Variants in NPAS2 observed in about 807,000 individuals in gnomAD.
NPAS2 encodes the protein neuronal PAS domain-containing protein 2.
NPAS2 carries 23 observed loss-of-function variants against 107.5 expected under a neutral mutation model. The observed-to-expected ratio is 0.21, with a 90% CI of 0.15 to 0.30. NPAS2 has a LOEUF of 0.30. NPAS2 is among the 10% of genes least tolerant of loss of function. The probability of loss-of-function intolerance (pLI) is 1.00; values close to 1 mark genes in which losing one functional copy is unlikely to be tolerated. For missense variants in NPAS2, 756 were observed against 1,043.3 expected (o/e 0.72, Z 3.79); for synonymous variants, 403 against 417.5 (o/e 0.97, Z 0.42).
chr2:100,842,081 G>GCGCGCACGCACACACACACA, intron 1 of NPAS2, among the ~76,000 whole-genome samples: 1 of 148,798 alleles, frequency 6.7e-6, no homozygotes, highest in Non-Finnish European at 1.5e-5. Flanking sequence ...GCATGTACGC[G>GCGCGCACGCACACACACACA]CACACACACA....
At chr2:100,871,709 A>G (rs1159560110) in intron 1 of NPAS2, among the ~76,000 whole-genome samples, 4 of 151,780 alleles carry the variant, frequency 2.6e-5, no homozygotes, top group Non-Finnish European at 5.9e-5. Context: ...CACACTTGTC[A>G]CCTCTTCAGC....
intron 2 of NPAS2, among the ~76,000 whole-genome samples, chr2:100,907,888 T>C (rs1682273025): frequency 6.6e-6 from 1 of 152,202 alleles, no homozygotes; most frequent in African/African-American, 2.4e-5. Flanking sequence ...CGCAAAAATA[T>C]AGTCCTTGTA....
chr2:100,989,801 T>G (rs1573811060), intron 17 of NPAS2: 1 of 160,758 alleles, frequency 6.2e-6, no homozygotes, highest in Admixed American at 6.1e-5. Context: ...TGGCTGGAGG[T>G]GTAAAGAGGT....
At chr2:100,835,653 C>T (rs1004320637) in intron 1 of NPAS2, among the ~76,000 whole-genome samples, 4 of 152,180 alleles carry the variant, frequency 2.6e-5, no homozygotes, top group Non-Finnish European at 5.9e-5. Context: ...CATTATGTCT[C>T]TCCTCATTTT....
chr2:100,987,408 T>C (rs575914656), intron 16 of NPAS2: 1 of 152,390 alleles, frequency 6.6e-6, no homozygotes, highest in African/African-American at 2.4e-5. Flanking sequence ...ATGATCATGA[T>C]GATTACAAAA....
intron 1 of NPAS2, among the ~76,000 whole-genome samples, chr2:100,838,756 G>A (rs1677217754): frequency 6.6e-6 from 1 of 152,128 alleles, no homozygotes; most frequent in South Asian, 2.1e-4. Flanking sequence ...AATAATCGGA[G>A]GAGATAATGA....
In NPAS2 at chr2:100,993,537, A is replaced by G. The variant is rs776687103; in HGVS notation, c.2292+10A>G. The stretch of plus-strand genomic sequence containing the variant: ...GCAGCACTACCTGCAGGTGGGTGCC[A>G]CGGCCCAGGGGGCCCCCGTGCAGGC... On this transcript the variant is annotated intron_variant, in intron 20 of 20. Transcript: ENST00000335681. 13 of 1,530,648 alleles carry G rather than the reference A, an allele frequency of 8.5e-6. No homozygotes were observed. The highest frequency in any genetic ancestry group is 1.1e-5 in the Non-Finnish European group (13 of 1,134,676). 94.8% of individuals were successfully genotyped at this position (1,530,648 alleles called of 1,614,324 possible).
intron 1 of NPAS2, among the ~76,000 whole-genome samples, chr2:100,824,389 T>G (rs763751410): frequency 3.2e-4 from 49 of 152,228 alleles, no homozygotes; most frequent in Non-Finnish European, 5.0e-4. Flanking sequence ...CTGAAGCTTT[T>G]CTTGGTACTT....
At chr2:100,840,103 C>A (rs1047277644) in intron 1 of NPAS2, among the ~76,000 whole-genome samples, 1 of 152,128 alleles carries the variant, frequency 6.6e-6, no homozygotes, top group African/African-American at 2.4e-5. Flanking sequence ...CATACTGTTA[C>A]TGCTGCCCTG....
intron 17 of NPAS2, 54 bp from the exon 18 acceptor site, chr2:100,990,202 G>A (rs756120136): frequency 3.5e-5 from 55 of 1,554,806 alleles, no homozygotes; most frequent in Non-Finnish European, 4.8e-5. Context: ...TTCCTGGAGA[G>A]ATGGCCCAGG....
Position 100,987,985 on chromosome 2 carries a change from G to C in NPAS2, c.1630-94G>C, listed in dbSNP as rs975596383. ...ACTATTTCTAGGCAGCTCAGAGCAA[G>C]AAAGTTCTTACTGGCACAGGGAATG... On this transcript the variant is annotated intron_variant, in intron 16 of 20. Transcript: ENST00000335681. 2.2e-6 allele frequency: 3 copies of C among 1,376,524 alleles called. No homozygotes were observed. The Admixed American group carries it at 5.4e-5, about 25-fold the overall frequency. The allele number at this position is 1,376,524 out of a possible 1,614,324, so 85.3% of individuals were successfully genotyped here.
chr2:100,820,950 G>C lies in NPAS2; in HGVS notation c.-23+536G>C. 5 of 967,242 alleles carry C rather than the reference G, an allele frequency of 5.2e-6. No homozygotes were observed. Among genetic ancestry groups the C allele is most frequent in the Non-Finnish European group, 7.0e-6 (5 of 713,634 alleles). 59.9% of individuals were successfully genotyped at this position (967,242 alleles called of 1,614,324 possible). A position where few individuals can be genotyped will look rare whatever the true frequency, so the allele number is the denominator to read the frequency against. The stretch of plus-strand genomic sequence containing the variant: ...CGGAATCGGTGCCCCCAACCCCCGT[G>C]TGCGCAGACAGCGTGCAGCCTGGCT... On this transcript the variant is annotated intron_variant, in intron 1 of 20. Transcript: ENST00000335681. This position sits in a 1 kb window ranked among gnomAD's most constrained non-coding sequence, Gnocchi z 5.6.
rs182663285 is a variant in NPAS2, at chr2:100,891,593, C to T, written c.-22-13140C>T. The stretch of plus-strand genomic sequence containing the variant: ...GGTCATCATGCCCAGGCTCCAAGGC[C>T]ACCACACAAGTGAAGGCAAGAGCAC... On this transcript the variant is annotated intron_variant, in intron 1 of 20. Transcript: ENST00000335681. Among the ~76,000 whole-genome samples the T allele has an allele frequency of 2.6e-5, 4 of 152,322 alleles. No homozygotes were observed. The East Asian group carries it at 7.7e-4, about 29-fold the overall frequency.
At chr2:100,973,360 C>CA (rs1475439985) in intron 12 of NPAS2, among the ~76,000 whole-genome samples, 1 of 152,188 alleles carries the variant, frequency 6.6e-6, no homozygotes, top group East Asian at 1.9e-4. Flanking sequence ...GCAGAGATGT[C>CA]AAATGGGCAT....
At chr2:100,852,557 G>A (rs1166065528) in intron 1 of NPAS2, among the ~76,000 whole-genome samples, 1 of 152,118 alleles carries the variant, frequency 6.6e-6, no homozygotes, top group Non-Finnish European at 1.5e-5. Context: ...GGGACCCCTG[G>A]CTAGCACAGC....
At chr2:100,937,471 A>AC (rs1271957680) in intron 4 of NPAS2, among the ~76,000 whole-genome samples, 1 of 152,170 alleles carries the variant, frequency 6.6e-6, no homozygotes, top group East Asian at 1.9e-4. Context: ...CATTAAACCT[A>AC]CTTAGGGAAT....
At chr2:100,979,854 C>T (rs1677326136) in intron 15 of NPAS2, among the ~76,000 whole-genome samples, 1 of 152,116 alleles carries the variant, frequency 6.6e-6, no homozygotes, top group African/African-American at 2.4e-5. Context: ...TTAAGACATC[C>T]CTGCATAATA....
rs1386514022 is a variant in NPAS2 at position 100,823,941 on chromosome 2, TCAGA to T, written c.-23+3533_-23+3536del. 4.6e-5 allele frequency among the ~76,000 whole-genome samples: 7 copies of T among 152,272 alleles called. No homozygotes were observed. The East Asian group carries it at 9.7e-4, about 21-fold the overall frequency. On this transcript the variant is annotated intron_variant, in intron 1 of 20. Transcript: ENST00000335681. Reference sequence around the variant, plus strand: ...AAGAAATAAAATGCAGATTTTGAAGTCAGACAGACCTGGGGTAGCCTCCCAGCTC... The same window carrying T: ...AAGAAATAAAATGCAGATTTTGAAGTCAGACCTGGGGTAGCCTCCCAGCTC...
rs1231054873 is a variant in NPAS2, at chr2:100,910,555, G to C, written c.32+5769G>C. Among the ~76,000 whole-genome samples, 6 of 140,436 alleles carry C rather than the reference G, an allele frequency of 4.3e-5. No individual in the cohort carries two copies. In the Admixed American group the frequency reaches 4.5e-4, roughly 11 times the overall value. The allele number at this position is 140,436 out of a possible 152,430, so 92.1% of individuals were successfully genotyped here. On this transcript the variant is annotated intron_variant, in intron 2 of 20. Transcript: ENST00000335681. Reference sequence around the variant, plus strand: ...TTTTTTTTTTTAAGACAGAGACTCTGTCTCACTCTGCTACCCAGGCTGGAG... The same window carrying C: ...TTTTTTTTTTTAAGACAGAGACTCTCTCTCACTCTGCTACCCAGGCTGGAG...
Sources: gnomAD v4.1 joint callset for allele counts (sites outside exome capture counted in the v4.1 genomes callset) on GRCh38, gnomAD v4.1.1 for gene constraint, Gnocchi (gnomAD v3.1) non-coding constraint, MANE v1.5 for transcripts, NCBI Gene and HGNC (gene_info 2026-07-23, HGNC 2026-07-21) for gene names.